AFF3: variants seen among roughly 807,000 people sequenced by gnomAD.
AFF3 encodes the protein ALF transcription elongation factor 3.
In AFF3, 32 loss-of-function variants were observed where a neutral mutation model predicts 129.7. The observed-to-expected ratio is 0.25, with a 90% CI of 0.19 to 0.33. The LOEUF (loss-of-function observed/expected upper bound fraction) is 0.33. AFF3 is among the 10% of genes least tolerant of loss of function. The pLI is 1.00. For synonymous variants in AFF3, 644 were observed against 635.4 expected, an observed-to-expected ratio of 1.01 and a Z score of -0.20; for missense variants, 1,373 against 1,592.0, an observed-to-expected ratio of 0.86 and a Z score of 2.34.
chr2:100,028,542 T>C (rs1357265078), intron 4 of AFF3, among the ~76,000 whole-genome samples: 1 of 152,134 alleles, frequency 6.6e-6, no homozygotes, highest in Non-Finnish European at 1.5e-5. Flanking sequence ...TTACATTATA[T>C]AAATGGATAG....
At chr2:99,868,834 C>T (rs929197840) in intron 7 of AFF3, among the ~76,000 whole-genome samples, 8 of 152,098 alleles carry the variant, frequency 5.3e-5, no homozygotes, top group Non-Finnish European at 7.4e-5. Context: ...GCTCTGTCAC[C>T]CAGGCTGGAG....
At chr2:99,715,758 G>A (rs540070776) in intron 11 of AFF3, among the ~76,000 whole-genome samples, 9 of 150,842 alleles carry the variant, frequency 6.0e-5, no homozygotes, top group Admixed American at 2.6e-4. Context: ...TGCAAGCTCC[G>A]CCTCCCAGGT....
chr2:99,802,800 T>C (rs184776394), intron 8 of AFF3, among the ~76,000 whole-genome samples: 6 of 151,360 alleles, frequency 4.0e-5, no homozygotes, highest in African/African-American at 1.5e-4. Context: ...TTTGTGTACA[T>C]GAATTTTGTA....
At chr2:99,662,137 T>TA (rs1558715406) in intron 12 of AFF3, among the ~76,000 whole-genome samples, 19 of 147,624 alleles carry the variant, frequency 1.3e-4, no homozygotes, top group African/African-American at 4.9e-4. Flanking sequence ...AGACTCTGTC[T>TA]CAAAAAAAAA....
intron 7 of AFF3, among the ~76,000 whole-genome samples, chr2:99,908,560 T>A (rs959655387): frequency 6.6e-6 from 1 of 151,660 alleles, no homozygotes; most frequent in African/African-American, 2.4e-5. Context: ...TGGGAGAAAA[T>A]TTTTGCAACA....
At chr2:100,016,039 A>G (rs1292423872) in intron 4 of AFF3, among the ~76,000 whole-genome samples, 1 of 136,678 alleles carries the variant, frequency 7.3e-6, no homozygotes, top group Non-Finnish European at 1.6e-5. Flanking sequence ...GGTGGTGGTG[A>G]TGGTGATGAT....
At chr2:99,623,433 G>A (rs1682240994) in intron 13 of AFF3, among the ~76,000 whole-genome samples, 1 of 152,216 alleles carries the variant, frequency 6.6e-6, no homozygotes, top group Admixed American at 6.5e-5. Flanking sequence ...TGCGGTGAGT[G>A]TAGGATCCCA....
chr2:99,547,820 A>C lies in AFF3; in HGVS notation c.*3654T>G, dbSNP rs1324877757. 9.5e-6 allele frequency: 2 copies of C among 211,244 alleles called. No individual in the cohort carries two copies. Among genetic ancestry groups the C allele is most frequent in the South Asian group, 1.9e-4 (1 of 5,328 alleles). The allele number at this position is 211,244 out of a possible 1,614,324, so 13.1% of individuals were successfully genotyped here. A position where few individuals can be genotyped will look rare whatever the true frequency, so the allele number is the denominator to read the frequency against. On this transcript the variant is annotated 3_prime_UTR_variant, in exon 25 of 25. Transcript: ENST00000672756. ...TATGTATGGGGTGTCAGAAATGTAC[A>C]CATCACTGTTATATAATACACACAT...
At chr2:100,128,197 GCT>G (rs1188528693) in intron 2 of AFF3, among the ~76,000 whole-genome samples, 1 of 152,168 alleles carries the variant, frequency 6.6e-6, no homozygotes, top group Non-Finnish European at 1.5e-5. Flanking sequence ...CCTCGGGGCT[GCT>G]CTGTCTATGG....
intron 2 of AFF3, among the ~76,000 whole-genome samples, chr2:100,117,578 C>T (rs1691781915): frequency 6.6e-6 from 1 of 152,196 alleles, no homozygotes; most frequent in African/African-American, 2.4e-5. Flanking sequence ...TTTGGGTCTA[C>T]TGACTCTTTT....
At chr2:99,667,690 A>C (rs1686793338) in intron 12 of AFF3, among the ~76,000 whole-genome samples, 1 of 152,204 alleles carries the variant, frequency 6.6e-6, no homozygotes, top group African/African-American at 2.4e-5. Flanking sequence ...TGCAGTCATC[A>C]AAAGGATAAT....
At chr2:99,552,665 G>A (rs1312130793) in intron 24 of AFF3, among the ~76,000 whole-genome samples, 2 of 152,184 alleles carry the variant, frequency 1.3e-5, no homozygotes, top group Non-Finnish European at 2.9e-5. Context: ...TGGCTAGGAG[G>A]TTGGCCAGGG....
intron 7 of AFF3, among the ~76,000 whole-genome samples, chr2:99,965,013 T>C (rs543516161): frequency 6.6e-6 from 1 of 152,320 alleles, no homozygotes; most frequent in South Asian, 2.1e-4. Flanking sequence ...AGCAATGTTA[T>C]GTTATAGAAG....
chr2:100,073,336 C>T (rs1032412919), intron 4 of AFF3, among the ~76,000 whole-genome samples: 6 of 152,176 alleles, frequency 3.9e-5, no homozygotes, highest in African/African-American at 1.2e-4. Flanking sequence ...ATGAAGGTGT[C>T]GGGTGATACA....
intron 7 of AFF3, among the ~76,000 whole-genome samples, chr2:99,928,508 A>C (rs1696437427): frequency 6.6e-6 from 1 of 152,140 alleles, no homozygotes. Context: ...TAACTAGAAC[A>C]AGTTGTTGTT....
intron 8 of AFF3, among the ~76,000 whole-genome samples, chr2:99,784,312 C>T (rs899535807): frequency 4.6e-5 from 7 of 152,204 alleles, no homozygotes; most frequent in Admixed American, 2.6e-4. Context: ...GGTCTGGAGG[C>T]ATTCTTTGGG....
chr2:99,752,490 T>A (rs1681741449), intron 8 of AFF3, among the ~76,000 whole-genome samples, 189 bp from the exon 9 acceptor site: 1 of 152,210 alleles, frequency 6.6e-6, no homozygotes, highest in African/African-American at 2.4e-5. Flanking sequence ...TTTTACCAAT[T>A]CTTGACTCCT....
chr2:99,724,803 C>A (rs1051992943), intron 11 of AFF3, among the ~76,000 whole-genome samples: 2 of 152,116 alleles, frequency 1.3e-5, no homozygotes, highest in African/African-American at 4.8e-5. Context: ...TCAGAATTCT[C>A]CATTCATAGG....
At chr2:99,637,802 G>A (rs761614127) in intron 13 of AFF3, among the ~76,000 whole-genome samples, 7 of 152,112 alleles carry the variant, frequency 4.6e-5, no homozygotes, top group East Asian at 1.9e-4. Context: ...GACGTCATGC[G>A]TATTGGATAC....
Sources: allele counts gnomAD v4.1 joint callset (sites outside exome capture counted in the v4.1 genomes callset), GRCh38; gene constraint gnomAD v4.1.1; transcripts MANE v1.5; gene names NCBI Gene and HGNC (gene_info 2026-07-23, HGNC 2026-07-21).